The following TENT2 variants were observed in gnomAD, a reference collection of about 807,000 sequenced individuals.
The protein encoded by TENT2 is poly(A) RNA polymerase GLD2.
TENT2 carries 44 observed loss-of-function variants against 72.2 expected under a neutral mutation model. That is an observed-to-expected ratio of 0.61 (90% CI 0.48 to 0.78). TENT2 has a LOEUF of 0.78. Among genes scored for constraint, TENT2 ranks in the 30% least tolerant of loss-of-function variants. The probability of loss-of-function intolerance (pLI) is 0.00; values close to 1 mark genes in which losing one functional copy is unlikely to be tolerated. For missense variants in TENT2, 541 were observed against 569.6 expected (o/e 0.95, Z 0.51); for synonymous variants, 212 against 192.5 (o/e 1.10, Z -0.84).
At chr5:79,639,057 C>T (rs1433903806) in intron 4 of TENT2, among the ~76,000 whole-genome samples, 1 of 151,872 alleles carries the variant, frequency 6.6e-6, no homozygotes, top group African/African-American at 2.4e-5. Flanking sequence ...TACTGGTAGA[C>T]GTGTTTGTGC....
intron 1 of TENT2, among the ~76,000 whole-genome samples, chr5:79,618,260 C>T (rs1761996209): frequency 6.6e-6 from 1 of 152,136 alleles, no homozygotes; most frequent in Non-Finnish European, 1.5e-5. Flanking sequence ...AGGGTCTTGC[C>T]TTGTGTCCCA....
intron 4 of TENT2, among the ~76,000 whole-genome samples, chr5:79,624,758 A>G (rs1768012712): frequency 6.6e-6 from 1 of 152,212 alleles, no homozygotes; most frequent in Admixed American, 6.5e-5. Flanking sequence ...TTATAGCTGA[A>G]TAATACTCTA....
rs755660849 is a variant in TENT2 at position 79,687,304 on chromosome 5, A to G, written c.*2031A>G. Among the ~76,000 whole-genome samples, 1 of 152,236 alleles carries G rather than the reference A, an allele frequency of 6.6e-6. No individual in the cohort carries two copies. Among genetic ancestry groups the G allele is most frequent in the East Asian group, 1.9e-4 (1 of 5,190 alleles). On this transcript the variant is annotated 3_prime_UTR_variant, in exon 15 of 15. Coordinates refer to ENST00000453514, the MANE Select transcript of TENT2 (RefSeq NM_001114394.3). ...CTGGACTTTTAAGTTATTAATCTCAATTATTTGTGTGGTGAGTACTAAATT... is the reference window on the plus strand; with the variant it reads ...CTGGACTTTTAAGTTATTAATCTCAGTTATTTGTGTGGTGAGTACTAAATT...
chr5:79,662,281 C>T (rs1291747905), intron 11 of TENT2, among the ~76,000 whole-genome samples: 1 of 152,204 alleles, frequency 6.6e-6, no homozygotes, highest in Non-Finnish European at 1.5e-5. Flanking sequence ...TTGAACCTCT[C>T]AAAGTCATCC....
chr5:79,672,773 G>T (rs1329889361), intron 12 of TENT2, among the ~76,000 whole-genome samples: 3 of 152,194 alleles, frequency 2.0e-5, no homozygotes, highest in African/African-American at 7.2e-5. Flanking sequence ...AAACATGAGA[G>T]TGCAGATATG....
chr5:79,645,457 A>G (rs926296748), intron 8 of TENT2, among the ~76,000 whole-genome samples: 1 of 152,118 alleles, frequency 6.6e-6, no homozygotes, highest in African/African-American at 2.4e-5. Context: ...AGATTTTTAA[A>G]TGATCTCTTG....
chr5:79,627,821 A>G (rs904272065), intron 4 of TENT2, among the ~76,000 whole-genome samples: 1 of 152,162 alleles, frequency 6.6e-6, no homozygotes, highest in African/African-American at 2.4e-5. Flanking sequence ...TCTACCTGCC[A>G]AGTTGTGGGA....
chr5:79,636,092 G>A (rs939877849), intron 4 of TENT2, among the ~76,000 whole-genome samples: 6 of 118 alleles, frequency 0.051, no homozygotes, highest in Non-Finnish European at 0.069. Context: ...TAAATAGTTC[G>A]CCAACCCTGC....
chr5:79,650,830 A>C (rs976967563), intron 10 of TENT2, among the ~76,000 whole-genome samples: 15 of 152,020 alleles, frequency 9.9e-5, no homozygotes, highest in Admixed American at 2.0e-4. Context: ...ATTTCTTTAT[A>C]GTGAGTCACT....
In TENT2 at chr5:79,641,141, G is replaced by T; in HGVS notation, c.617G>T (p.Gly206Val). The change falls in exon 6 of 15, where the codon GGA becomes GTA. Residue 206 changes from glycine to valine, a missense_variant. Coordinates refer to ENST00000453514, the MANE Select transcript of TENT2 (RefSeq NM_001114394.3). ...TTTTTGGTTGGGTCCTCTTTAAATG[G>T]ATTTGGTACCCGGAGCAGTGATGGT... The part of the protein sequence containing the change: ...RLFLVGSSLN[G>V]FGTRSSDGDL... 1 of 1,576,158 alleles carries T rather than the reference G, an allele frequency of 6.3e-7. No individual in the cohort carries two copies.
intron 8 of TENT2, 60 bp downstream of exon 8, chr5:79,645,252 TGATAAA>T (rs917681663): frequency 1.5e-5 from 19 of 1,270,102 alleles, no homozygotes; most frequent in Non-Finnish European, 1.7e-5. Flanking sequence ...GATACTCATC[TGATAAA>T]GATAATTAAG....
At chr5:79,616,261 C>T (rs1194135039) in intron 1 of TENT2, among the ~76,000 whole-genome samples, 15 of 136,926 alleles carry the variant, frequency 1.1e-4, no homozygotes, top group African/African-American at 3.7e-4. Flanking sequence ...TGCAATTGCG[C>T]GATCTTGGCT....
In TENT2 at chr5:79,668,896, C is replaced by G; in HGVS notation, c.1076C>G (p.Ser359Cys). The change falls in exon 12 of 15, where the codon TCT (serine) becomes TGT (cysteine). Residue 359 changes from serine (S) to cysteine (C), a missense_variant. By Grantham distance (112) the Ser-to-Cys change is moderately radical. Coordinates refer to ENST00000453514, the MANE Select transcript of TENT2 (RefSeq NM_001114394.3). ...TCCCCTTCTTCTTTTTGACAGGAGTCTTTTAGTCCTGCTATACAGCTGCAC... is the reference window on the plus strand; with the variant it reads ...TCCCCTTCTTCTTTTTGACAGGAGTGTTTTAGTCCTGCTATACAGCTGCAC... ...LPSLQKIYPE[S>C]FSPAIQLHLV... The G allele has an allele frequency of 6.2e-7, 1 of 1,606,820 alleles. No homozygotes were observed.
chr5:79,613,596 T>C (rs1756959046), intron 1 of TENT2, among the ~76,000 whole-genome samples: 1 of 152,178 alleles, frequency 6.6e-6, no homozygotes, highest in African/African-American at 2.4e-5. Context: ...CCAGTAATAG[T>C]GACGTTACTT....
At chr5:79,627,129 C>CA (rs58479791) in intron 4 of TENT2, among the ~76,000 whole-genome samples, 17,088 of 128,608 alleles carry the variant, frequency 0.13, 1,292 homozygotes, top group African/African-American at 0.21. Flanking sequence ...GACTCCGTCT[C>CA]AAAAAAAAAA....
intron 13 of TENT2, among the ~76,000 whole-genome samples, chr5:79,680,098 CTA>C (rs1249010282): frequency 6.6e-6 from 1 of 152,074 alleles, no homozygotes; most frequent in African/African-American, 2.4e-5. Flanking sequence ...ATTTTCTTCT[CTA>C]AAATTAATTT....
chr5:79,627,408 G>A (rs1771240760), intron 4 of TENT2, among the ~76,000 whole-genome samples: 1 of 152,192 alleles, frequency 6.6e-6, no homozygotes, highest in African/African-American at 2.4e-5. Flanking sequence ...AATTAGTTAT[G>A]TAGAAAGAGA....
At chr5:79,663,969 CA>C (rs1270208181) in intron 11 of TENT2, among the ~76,000 whole-genome samples, 1 of 151,606 alleles carries the variant, frequency 6.6e-6, no homozygotes, top group Non-Finnish European at 1.5e-5. Context: ...GACTACACAT[CA>C]AAAATATTCA....
At chr5:79,650,170 C>T (rs1792626664) in intron 10 of TENT2, among the ~76,000 whole-genome samples, 1 of 151,992 alleles carries the variant, frequency 6.6e-6, no homozygotes, top group Non-Finnish European at 1.5e-5. Flanking sequence ...CCAAAGATTA[C>T]AATAATAGGA....
Sources: gnomAD v4.1 joint callset for allele counts (sites outside exome capture counted in the v4.1 genomes callset) on GRCh38, gnomAD v4.1.1 for gene constraint, MANE v1.5 for transcripts, NCBI Gene and HGNC (gene_info 2026-07-23, HGNC 2026-07-21) for gene names.